AGAP5: variants seen among roughly 807,000 people sequenced by gnomAD.
The protein encoded by AGAP5 is ArfGAP with GTPase domain, ankyrin repeat and PH domain 5.
AGAP5 carries 8 observed loss-of-function variants against 27.7 expected under a neutral mutation model. The ratio of observed to expected loss-of-function variants is 0.29; its 90% CI spans 0.17 to 0.52. The LOEUF (loss-of-function observed/expected upper bound fraction) is 0.52, where lower values mean the gene tolerates loss of function less well. AGAP5 is among the 20% of genes least tolerant of loss of function. The pLI is 0.97. For synonymous variants in AGAP5, 111 were observed against 338.0 expected, an observed-to-expected ratio of 0.33 and a Z score of 7.37; for missense variants, 285 against 880.8, an observed-to-expected ratio of 0.32 and a Z score of 8.56.
At chr10:73,695,310 T>C (rs1488959486) in intron 2 of AGAP5, among the ~76,000 whole-genome samples, 2 of 152,170 alleles carry the variant, frequency 1.3e-5, no homozygotes, top group African/African-American at 2.4e-5. Context: ...CTGTCTTCCA[T>C]AGTCATGTGA....
intron 4 of AGAP5, among the ~76,000 whole-genome samples, chr10:73,691,702 G>A (rs1022284616): frequency 2.6e-5 from 4 of 152,038 alleles, no homozygotes; most frequent in African/African-American, 9.7e-5. Context: ...ATGTTGGTCA[G>A]GGTCGTCTCA....
intron 2 of AGAP5, among the ~76,000 whole-genome samples, chr10:73,695,105 T>G (rs796494653): frequency 1.3e-5 from 2 of 152,144 alleles, no homozygotes; most frequent in African/African-American, 4.8e-5. Flanking sequence ...AGAGGTAAAT[T>G]TTGGCTTTGA....
chr10:73,686,023 C>T (rs2082060882), intron 4 of AGAP5, among the ~76,000 whole-genome samples: 1 of 152,112 alleles, frequency 6.6e-6, no homozygotes, highest in Admixed American at 6.5e-5. Flanking sequence ...ATCAAAATAC[C>T]ACCATCCTTC....
intron 2 of AGAP5, among the ~76,000 whole-genome samples, chr10:73,695,801 A>T (rs1328704233): frequency 0.016 from 1,664 of 106,334 alleles, no homozygotes; most frequent in Admixed American, 0.022. Flanking sequence ...CCAATAAGCC[A>T]ACTGGATTTA....
chr10:73,685,509 C>T (rs1236386354), intron 4 of AGAP5, among the ~76,000 whole-genome samples: 1 of 151,378 alleles, frequency 6.6e-6, no homozygotes, highest in Non-Finnish European at 1.5e-5. Context: ...GTTAATCCAT[C>T]CCTGCATCCC....
chr10:73,689,926 C>A (rs2082101820), intron 4 of AGAP5, among the ~76,000 whole-genome samples: 1 of 151,876 alleles, frequency 6.6e-6, no homozygotes, highest in Non-Finnish European at 1.5e-5. Flanking sequence ...GCCCGGCCGC[C>A]CCTACTGGGA....
intron 4 of AGAP5, among the ~76,000 whole-genome samples, chr10:73,685,666 C>A (rs1375462634): frequency 1.3e-5 from 2 of 151,704 alleles, no homozygotes; most frequent in Admixed American, 1.3e-4. Flanking sequence ...GATTCTCCTG[C>A]CTCAGCCACC....
At chr10:73,697,424 T>C in intron 1 of AGAP5, 109 bp downstream of exon 1, 1 of 1,594,172 alleles carries the variant, frequency 6.3e-7, no homozygotes, top group Non-Finnish European at 8.5e-7. Flanking sequence ...CCGGGAAAGC[T>C]GGCTACAAGC....
rs1034863976 is a variant in AGAP5, at chr10:73,698,058, C to T, written c.-303G>A. On this transcript the variant is annotated 5_prime_UTR_variant, in exon 1 of 8. Coordinates refer to ENST00000374094, the MANE Select transcript of AGAP5 (RefSeq NM_001144000.4). ...AAGCGCTGAGAGACACAACAACTGC[C>T]TGAAGAGAGAACAGACGGAGCTCCT... 1.4e-5 allele frequency: 19 copies of T among 1,366,490 alleles called. No individual in the cohort carries two copies. Among genetic ancestry groups the T allele is most frequent in the African/African-American group, 8.8e-5 (6 of 68,184 alleles). The allele number at this position is 1,366,490 out of a possible 1,614,324, so 84.6% of individuals were successfully genotyped here. A position where few individuals can be genotyped will look rare whatever the true frequency, so the allele number is the denominator to read the frequency against.
Position 73,674,379 on chromosome 10 carries a change from C to T in AGAP5, c.*220G>A. The T allele has an allele frequency of 1.6e-6, 1 of 626,708 alleles. No individual in the cohort carries two copies. Among genetic ancestry groups the T allele is most frequent in the South Asian group, 2.0e-5 (1 of 50,580 alleles). The allele number at this position is 626,708 out of a possible 1,614,324, so 38.8% of individuals were successfully genotyped here. On this transcript the variant is annotated 3_prime_UTR_variant, in exon 8 of 8. Transcript: ENST00000374094. ...AGCCTGTGTGACTTGGGCAATGTGG[C>T]CAGGAGGGCCTGAGACTAACACATC...
At chr10:73,676,321 GA>G (rs2081979408) in intron 7 of AGAP5, among the ~76,000 whole-genome samples, 3 of 132,416 alleles carry the variant, frequency 2.3e-5, no homozygotes, top group South Asian at 2.3e-4. Flanking sequence ...AAAGAAAAAA[GA>G]AAAAAAAATT....
intron 1 of AGAP5, 135 bp from the exon 2 acceptor site, chr10:73,697,298 G>C: frequency 6.8e-7 from 1 of 1,461,232 alleles, no homozygotes; most frequent in Non-Finnish European, 9.2e-7. Context: ...AATGAGATGA[G>C]AGAGCAAGAA....
chr10:73,674,491 A>G lies in AGAP5; in HGVS notation c.*108T>C. 6.3e-7 allele frequency: 1 copy of G among 1,591,616 alleles called. No individual in the cohort carries two copies. The highest frequency in any genetic ancestry group is 2.2e-5 in the East Asian group (1 of 44,622). On this transcript the variant is annotated 3_prime_UTR_variant, in exon 8 of 8. Transcript: ENST00000374094. ...TACTTAGTTTATGAAAAGTACTGAA[A>G]ATGCTATTACTAGCTGAATTTGTGA...
intron 4 of AGAP5, among the ~76,000 whole-genome samples, chr10:73,688,166 T>C (rs951907504): frequency 2.0e-5 from 3 of 152,186 alleles, no homozygotes; most frequent in African/African-American, 7.2e-5. Context: ...AAACCTGAGA[T>C]ATAAAGAAAA....
intron 4 of AGAP5, among the ~76,000 whole-genome samples, chr10:73,686,740 G>A (rs376697327): frequency 1.8e-4 from 27 of 152,270 alleles, no homozygotes; most frequent in African/African-American, 2.4e-4. Flanking sequence ...CAATCAATGA[G>A]CGGATAAAGA....
intron 4 of AGAP5, among the ~76,000 whole-genome samples, chr10:73,689,697 A>T (rs1382841822): frequency 4.9e-4 from 73 of 149,652 alleles, no homozygotes; most frequent in Non-Finnish European, 7.7e-4. Context: ...AGAAGTGAGG[A>T]GACCCTCTGC....
At position 73,697,928 on chromosome 10, in the gene AGAP5, C is replaced by A; in HGVS notation, c.-173G>T. 2 of 1,527,400 alleles carry A rather than the reference C, an allele frequency of 1.3e-6. No homozygotes were observed. Among genetic ancestry groups the A allele is most frequent in the Admixed American group, 2.0e-5 (1 of 50,630 alleles). 94.6% of individuals were successfully genotyped at this position (1,527,400 alleles called of 1,614,324 possible). ...CCATCCCTGGCCCCGGCCCCGGCCC[C>A]GGCTAGGGCTGCGGGTCAAGGCCCA... On this transcript the variant is annotated 5_prime_UTR_variant, in exon 1 of 8. Coordinates refer to ENST00000374094, the MANE Select transcript of AGAP5 (RefSeq NM_001144000.4).
intron 4 of AGAP5, among the ~76,000 whole-genome samples, chr10:73,689,985 G>T (rs569021030): frequency 6.7e-6 from 1 of 149,786 alleles, no homozygotes; most frequent in Non-Finnish European, 1.5e-5. Context: ...GGAGGGAGGT[G>T]GGGGGTCAGC....
chr10:73,678,961 C>T (rs2132441820), intron 6 of AGAP5, among the ~76,000 whole-genome samples: 1 of 151,476 alleles, frequency 6.6e-6, no homozygotes, highest in South Asian at 2.1e-4. Context: ...TCAAGCGATT[C>T]TCCTGCCTCA....
Sources: gnomAD v4.1 joint callset for allele counts (sites outside exome capture counted in the v4.1 genomes callset) on GRCh38, gnomAD v4.1.1 for gene constraint, MANE v1.5 for transcripts, NCBI Gene and HGNC (gene_info 2026-07-23, HGNC 2026-07-21) for gene names.